Variants in SGCD observed in about 807,000 individuals in gnomAD.
SGCD encodes the protein delta-sarcoglycan.
SGCD carries 18 observed loss-of-function variants against 36.6 expected under a neutral mutation model. That is an observed-to-expected ratio of 0.49 (90% CI 0.34 to 0.73). The LOEUF (loss-of-function observed/expected upper bound fraction) is 0.73, where lower values mean the gene tolerates loss of function less well. SGCD is among the 30% of genes least tolerant of loss of function. SGCD has a pLI of 0.01. For synonymous variants in SGCD, 133 were observed against 130.6 expected, an observed-to-expected ratio of 1.02 and a Z score of -0.12; for missense variants, 387 against 346.7, an observed-to-expected ratio of 1.12 and a Z score of -0.92.
At chr5:156,083,596 ATTT>A (rs60479128) in intron 1 of SGCD, among the ~76,000 whole-genome samples, 86 of 135,366 alleles carry the variant, frequency 6.4e-4, no homozygotes, top group Non-Finnish European at 3.0e-4. Flanking sequence ...CACCCGGCCC[ATTT>A]TTTTTTTTTT....
At chr5:156,652,323 G>GA (rs201292178) in intron 7 of SGCD, among the ~76,000 whole-genome samples, 89 of 149,894 alleles carry the variant, frequency 5.9e-4, no homozygotes, top group Middle Eastern at 3.4e-3. Context: ...TCTACCAAAA[G>GA]AAAAAAAAAG....
chr5:156,329,314 T>G (rs1273562981), intron 1 of SGCD, among the ~76,000 whole-genome samples: 1 of 152,166 alleles, frequency 6.6e-6, no homozygotes, highest in Non-Finnish European at 1.5e-5. Flanking sequence ...AGGCACTGAT[T>G]TGTTGGACTG....
intron 7 of SGCD, among the ~76,000 whole-genome samples, chr5:156,718,748 C>T (rs567687019): frequency 4.0e-5 from 6 of 150,292 alleles, no homozygotes; most frequent in African/African-American, 1.5e-4. Context: ...GCAGGAGGAT[C>T]GCTTGAAGCC....
intron 1 of SGCD, among the ~76,000 whole-genome samples, chr5:155,988,680 T>C (rs1253808658): frequency 6.6e-6 from 1 of 152,170 alleles, no homozygotes; most frequent in Non-Finnish European, 1.5e-5. Context: ...ATATTGAAGA[T>C]TAAAAGATGT....
intron 3 of SGCD, among the ~76,000 whole-genome samples, chr5:156,387,291 A>C (rs1016757737): frequency 1.3e-5 from 2 of 152,216 alleles, no homozygotes; most frequent in African/African-American, 4.8e-5. Context: ...GTAGAAATTC[A>C]GATTCTGTTT....
In SGCD at chr5:156,361,254, A is replaced by G. The variant is rs561006506; in HGVS notation, c.192+16577A>G. ...TGTTGCAAGTCCAATGAAGGGGCCAAGAAAAATCTTGCACCAAAAGGATGA... is the reference window on the plus strand; with the variant it reads ...TGTTGCAAGTCCAATGAAGGGGCCAGGAAAAATCTTGCACCAAAAGGATGA... On this transcript the variant is annotated intron_variant, in intron 3 of 8. Coordinates refer to ENST00000337851, the MANE Select transcript of SGCD (RefSeq NM_000337.6). 3.4e-4 allele frequency among the ~76,000 whole-genome samples: 52 copies of G among 152,370 alleles called. 4 individuals are homozygous for G. Among genetic ancestry groups the G allele is most frequent in the Admixed American group, 2.4e-3 (36 of 15,314 alleles).
intron 3 of SGCD, among the ~76,000 whole-genome samples, chr5:156,128,480 C>CA (rs75707957): frequency 1.3e-4 from 20 of 150,982 alleles, no homozygotes; most frequent in East Asian, 5.8e-4. Flanking sequence ...AGATGTCTAA[C>CA]AAAAAAAAAT....
chr5:155,832,419 T>A, the SGCD span, among the ~76,000 whole-genome samples: 1 of 152,202 alleles, frequency 6.6e-6, no homozygotes. Context: ...ATCTTTTGTG[T>A]CTCTATGTCT....
intron 3 of SGCD, among the ~76,000 whole-genome samples, chr5:156,487,403 A>G (rs1755724379): frequency 6.6e-6 from 1 of 152,230 alleles, no homozygotes; most frequent in South Asian, 2.1e-4. Context: ...ATCCACTGTT[A>G]CACCAGATGT....
At chr5:156,655,185 A>G (rs1414424587) in intron 7 of SGCD, among the ~76,000 whole-genome samples, 1 of 152,190 alleles carries the variant, frequency 6.6e-6, no homozygotes, top group Non-Finnish European at 1.5e-5. Context: ...AAAATAGACA[A>G]GCAGAAACTT....
intron 4 of SGCD, among the ~76,000 whole-genome samples, chr5:156,509,435 TTAATTCAA>T (rs1474043999): frequency 6.6e-6 from 1 of 152,016 alleles, no homozygotes; most frequent in African/African-American, 2.4e-5. Flanking sequence ...AAAAAAAAAA[TTAATTCAA>T]TATCAACAGC....
chr5:156,506,686 G>A (rs1756713225), intron 3 of SGCD, among the ~76,000 whole-genome samples: 1 of 152,130 alleles, frequency 6.6e-6, no homozygotes, highest in Non-Finnish European at 1.5e-5. Context: ...AATTGGGCTA[G>A]AATGAAACAA....
the SGCD span, among the ~76,000 whole-genome samples, chr5:155,796,324 G>A: frequency 9.9e-5 from 15 of 152,132 alleles, no homozygotes; most frequent in East Asian, 2.9e-3. Flanking sequence ...AAATTGCTTG[G>A]AAATTATACC....
chr5:155,907,990 C>T (rs1249499179), intron 1 of SGCD, among the ~76,000 whole-genome samples: 1 of 152,128 alleles, frequency 6.6e-6, no homozygotes, highest in Non-Finnish European at 1.5e-5. Flanking sequence ...GCCACAGCCA[C>T]TCCAACACTG....
At chr5:156,308,349 A>G (rs34457799) in intron 3 of SGCD, among the ~76,000 whole-genome samples, 2,513 of 149,392 alleles carry the variant, frequency 0.017, 55 homozygotes, top group African/African-American at 0.054. Flanking sequence ...CCCAGGCTGG[A>G]TTGCAGTGGC....
chr5:156,511,930 T>A (rs1382336103), intron 4 of SGCD, among the ~76,000 whole-genome samples: 1 of 152,184 alleles, frequency 6.6e-6, no homozygotes, highest in Admixed American at 6.5e-5. Context: ...GTGTGGTGGC[T>A]CATGCCTGTA....
the SGCD span, among the ~76,000 whole-genome samples, chr5:155,773,502 T>G: frequency 3.9e-4 from 59 of 152,226 alleles, no homozygotes; most frequent in Admixed American, 3.7e-3. Context: ...TTTAATAAAC[T>G]TCTTTAAAAA....
intron 7 of SGCD, among the ~76,000 whole-genome samples, chr5:156,652,842 C>G (rs905101734): frequency 6.6e-6 from 1 of 151,964 alleles, no homozygotes; most frequent in Non-Finnish European, 1.5e-5. Flanking sequence ...TTCTATATCT[C>G]TTGAGATGAT....
intron 1 of SGCD, among the ~76,000 whole-genome samples, chr5:155,993,781 C>T (rs1034187584): frequency 6.6e-6 from 1 of 152,206 alleles, no homozygotes; most frequent in African/African-American, 2.4e-5. Flanking sequence ...GTCTTCTTCA[C>T]AGCATGGTGG....
Sources: allele counts gnomAD v4.1 joint callset (sites outside exome capture counted in the v4.1 genomes callset), GRCh38; gene constraint gnomAD v4.1.1; transcripts MANE v1.5; gene names NCBI Gene and HGNC (gene_info 2026-07-23, HGNC 2026-07-21).